Variants in SNX16 observed in about 807,000 individuals in gnomAD.
SNX16 encodes the protein sorting nexin-16.
In SNX16, 35 loss-of-function variants were observed where a neutral mutation model predicts 36.7. That is an observed-to-expected ratio of 0.95 (90% CI 0.73 to 1.27). SNX16 has a LOEUF of 1.27. Among genes scored for constraint, SNX16 ranks in the 50% most tolerant of loss-of-function variants. SNX16 has a pLI of 0.00. For missense variants in SNX16, 367 were observed against 393.6 expected (o/e 0.93, Z 0.57); for synonymous variants, 134 against 132.0 (o/e 1.02, Z -0.10).
chr8:81,800,461 C>G lies in SNX16; in HGVS notation c.*1036G>C, dbSNP rs1352121722. 1.3e-5 allele frequency: 2 copies of G among 152,190 alleles called. No individual in the cohort carries two copies. The highest frequency in any genetic ancestry group is 1.5e-5 in the Non-Finnish European group (1 of 67,668). The allele number at this position is 152,190 out of a possible 1,614,324, so 9.4% of individuals were successfully genotyped here. A position where few individuals can be genotyped will look rare whatever the true frequency, so the allele number is the denominator to read the frequency against. On this transcript the variant is annotated 3_prime_UTR_variant, in exon 8 of 8. Transcript: ENST00000345957. ...TAAAGGCACTACATAATTCTTTCTC[C>G]TAACTCTACTTACTAAAAAAATCCA... is the stretch of plus-strand genomic sequence containing the variant.
At chr8:81,829,558 A>G (rs2130736047) in intron 2 of SNX16, 42 bp from the exon 3 acceptor site, 4 of 885,144 alleles carry the variant, frequency 4.5e-6, no homozygotes, top group Admixed American at 3.7e-5. Flanking sequence ...AAAATATAAA[A>G]GTAAAGATAT....
chr8:81,831,640 G>A (rs1444633348), intron 2 of SNX16, among the ~76,000 whole-genome samples: 1 of 148,664 alleles, frequency 6.7e-6, no homozygotes, highest in Non-Finnish European at 1.5e-5. Flanking sequence ...AGAGGTTGCA[G>A]TGAGCCAAGA....
chr8:81,816,292 C>T (rs1251499743), intron 4 of SNX16, among the ~76,000 whole-genome samples: 1 of 150,956 alleles, frequency 6.6e-6, no homozygotes, highest in Non-Finnish European at 1.5e-5. Flanking sequence ...TGGGTTCCAG[C>T]GATTCTCCTG....
intron 4 of SNX16, among the ~76,000 whole-genome samples, chr8:81,823,589 CTT>C (rs1464486957): frequency 6.6e-6 from 1 of 151,920 alleles, no homozygotes; most frequent in African/African-American, 2.4e-5. Context: ...TTAAAATAAG[CTT>C]TGATAAAAAT....
intron 4 of SNX16, among the ~76,000 whole-genome samples, chr8:81,816,421 C>T (rs1810496958): frequency 6.6e-6 from 1 of 151,726 alleles, no homozygotes; most frequent in South Asian, 2.1e-4. Flanking sequence ...CACTCCTGAC[C>T]TCAGGTGATC....
rs1563459043 is a variant in SNX16, at chr8:81,839,753, T to C, written c.234A>G (p.Thr78=). Residue 78 remains threonine, a synonymous_variant, in exon 2 of 8, where the codon ACA becomes ACG. Transcript: ENST00000345957. ...AATACTCAATGGAAGAAGCTGTACCTGTAAATTTAGTCCTAATGAGGGGAC... is the reference window on the plus strand; with the variant it reads ...AATACTCAATGGAAGAAGCTGTACCCGTAAATTTAGTCCTAATGAGGGGAC... ...CSSPLIRTKF[T]GTASSIEYST... The C allele has an allele frequency of 2.5e-6, 4 of 1,613,772 alleles. No individual in the cohort carries two copies. The Middle Eastern group carries it at 5.0e-4, about 200-fold the overall frequency.
intron 4 of SNX16, among the ~76,000 whole-genome samples, chr8:81,816,679 C>A (rs1012579484): frequency 1.3e-5 from 2 of 151,986 alleles, no homozygotes; most frequent in African/African-American, 4.8e-5. Context: ...TTAATTTTCA[C>A]GACAATCAGG....
Position 81,799,891 on chromosome 8 carries a change from AATTTT to A in SNX16, c.*1601_*1605del, listed in dbSNP as rs1809607802. 1 of 151,902 alleles carries A rather than the reference AATTTT, an allele frequency of 6.6e-6. No homozygotes were observed. The highest frequency in any genetic ancestry group is 1.5e-5 in the Non-Finnish European group (1 of 67,814). 9.4% of individuals were successfully genotyped at this position (151,902 alleles called of 1,614,324 possible). A position where few individuals can be genotyped will look rare whatever the true frequency, so the allele number is the denominator to read the frequency against. ...AAGCCTTTTGTAAGTCTAGAATAAT[AATTTT>A]AATAAATAAGCAGATCAATTTATTA... On this transcript the variant is annotated 3_prime_UTR_variant, in exon 8 of 8. Coordinates refer to ENST00000345957, the MANE Select transcript of SNX16 (RefSeq NM_152836.3).
At chr8:81,840,784 T>C (rs892550762) in intron 1 of SNX16, among the ~76,000 whole-genome samples, 5 of 152,218 alleles carry the variant, frequency 3.3e-5, no homozygotes, top group Non-Finnish European at 5.9e-5. Context: ...ACTGAGGGTA[T>C]TTAAATCTTT....
intron 1 of SNX16, among the ~76,000 whole-genome samples, chr8:81,840,982 GA>G (rs750255210): frequency 6.6e-6 from 1 of 152,130 alleles, no homozygotes; most frequent in Non-Finnish European, 1.5e-5. Flanking sequence ...CTTTTCATAC[GA>G]AACTCTACTG....
chr8:81,822,918 CA>C (rs1178897234), intron 4 of SNX16, among the ~76,000 whole-genome samples: 7 of 115,612 alleles, frequency 6.1e-5, no homozygotes, highest in Admixed American at 1.9e-4. Flanking sequence ...CACTGAAAAG[CA>C]AGATGTGTAT....
chr8:81,830,579 TAAAAAAAA>T (rs752827905), intron 2 of SNX16, among the ~76,000 whole-genome samples: 6 of 90,254 alleles, frequency 6.6e-5, no homozygotes, highest in Admixed American at 1.2e-4. Context: ...GTCTAGGGGG[TAAAAAAAA>T]AAAAAAAAAA....
rs978501238 is a variant in SNX16 at position 81,839,881 on chromosome 8, T to C, written c.106A>G (p.Ser36Gly). 1 of 1,614,028 alleles carries C rather than the reference T, an allele frequency of 6.2e-7. No individual in the cohort carries two copies. The change falls in exon 2 of 8, where the codon AGC becomes GGC. Residue 36 changes from serine to glycine, a missense_variant. By Grantham distance (56) the Ser-to-Gly change is moderately conservative (BLOSUM62 0). Coordinates refer to ENST00000345957, the MANE Select transcript of SNX16 (RefSeq NM_152836.3). ...RSSSFGSVST[S>G]SNSSKGQLED... ...AACTGGCCCTTAGAAGAATTTGAGCTTGTTGAGACACTGCCAAAAGAAGAA... is the reference window on the plus strand; with the variant it reads ...AACTGGCCCTTAGAAGAATTTGAGCCTGTTGAGACACTGCCAAAAGAAGAA...
At chr8:81,816,353 C>T (rs918636814) in intron 4 of SNX16, among the ~76,000 whole-genome samples, 1 of 151,802 alleles carries the variant, frequency 6.6e-6, no homozygotes, top group Non-Finnish European at 1.5e-5. Context: ...CCACACCCAG[C>T]TAATTTTTGT....
In SNX16 at chr8:81,840,058, T is replaced by C. The variant is rs1314639248; in HGVS notation, c.-72A>G. 2.0e-6 allele frequency: 3 copies of C among 1,468,818 alleles called. No individual in the cohort carries two copies. In the African/African-American group the frequency reaches 4.2e-5, roughly 21 times the overall value. 91.0% of individuals were successfully genotyped at this position (1,468,818 alleles called of 1,614,324 possible). A position where few individuals can be genotyped will look rare whatever the true frequency, so the allele number is the denominator to read the frequency against. Reference sequence around the variant, plus strand: ...AGAGAACAACTAATATGCAATCCATTATTTTCTTCTTAGGAATTCACTATC... The same window carrying C: ...AGAGAACAACTAATATGCAATCCATCATTTTCTTCTTAGGAATTCACTATC... On this transcript the variant is annotated 5_prime_UTR_variant, in exon 2 of 8. It adds an upstream start codon to the 5' untranslated region. Coordinates refer to ENST00000345957, the MANE Select transcript of SNX16 (RefSeq NM_152836.3).
At chr8:81,828,557 A>G (rs1197345706) in intron 3 of SNX16, among the ~76,000 whole-genome samples, 2 of 152,206 alleles carry the variant, frequency 1.3e-5, no homozygotes, top group African/African-American at 4.8e-5. Flanking sequence ...AGTAGACAGA[A>G]TTCTAGATGG....
chr8:81,821,246 C>T (rs773853312), intron 4 of SNX16, among the ~76,000 whole-genome samples: 1 of 151,758 alleles, frequency 6.6e-6, no homozygotes, highest in Admixed American at 6.6e-5. Flanking sequence ...TTGAGCAAGA[C>T]CATTACCACT....
At chr8:81,808,302 T>C in intron 5 of SNX16, 4 of 1,178,074 alleles carry the variant, frequency 3.4e-6, no homozygotes, top group Non-Finnish European at 5.0e-6. Flanking sequence ...ACTGTGAAGT[T>C]AGGAAGACCT....
In SNX16 at chr8:81,835,661, A is replaced by G. The variant is rs116822515; in HGVS notation, c.375+3951T>C. On this transcript the variant is annotated intron_variant, in intron 2 of 7. Transcript: ENST00000345957. ...CAAAATGCCGCCAATCTCTTTGCTAAACCTAACAAGAATTACCTTTTCTCC... is the reference window on the plus strand; with the variant it reads ...CAAAATGCCGCCAATCTCTTTGCTAGACCTAACAAGAATTACCTTTTCTCC... 1.9e-3 allele frequency among the ~76,000 whole-genome samples: 285 copies of G among 152,322 alleles called. 2 individuals carry two copies. The highest frequency in any genetic ancestry group is 6.7e-3 in the African/African-American group (279 of 41,572).
Sources: gnomAD v4.1 joint callset for allele counts (sites outside exome capture counted in the v4.1 genomes callset) on GRCh38, gnomAD v4.1.1 for gene constraint, MANE v1.5 for transcripts, NCBI Gene and HGNC (gene_info 2026-07-23, HGNC 2026-07-21) for gene names.